CD163L1: variants seen among roughly 807,000 people sequenced by gnomAD.
The protein encoded by CD163L1 is CD163 molecule like 1.
In CD163L1, 124 loss-of-function variants were observed where a neutral mutation model predicts 165.4. That is an observed-to-expected ratio of 0.75 (90% CI 0.65 to 0.87). The LOEUF is 0.87. Ranked by LOEUF, CD163L1 falls within the 40% of genes least tolerant of loss-of-function variation. CD163L1 has a pLI of 0.00. For missense variants in CD163L1, 1,525 were observed against 1,799.9 expected (o/e 0.85, Z 2.76); for synonymous variants, 585 against 662.2 (o/e 0.88, Z 1.79).
intron 4 of CD163L1, among the ~76,000 whole-genome samples, chr12:7,412,053 T>C (rs1948148355): frequency 6.6e-6 from 1 of 152,194 alleles, no homozygotes; most frequent in African/African-American, 2.4e-5. Flanking sequence ...AAAGTCTGGG[T>C]CATAAGTGAG....
chr12:7,380,189 A>T (rs1947355051), intron 8 of CD163L1, among the ~76,000 whole-genome samples: 1 of 152,130 alleles, frequency 6.6e-6, no homozygotes, highest in Admixed American at 6.5e-5. Context: ...TTGCACACGC[A>T]TGTTTATAGC....
Position 7,432,635 on chromosome 12 carries a change from C to G in CD163L1, c.547G>C (p.Gly183Arg), listed in dbSNP as rs1251374890. Residue 183 changes from glycine to arginine, a missense_variant, in exon 4 of 20, where the codon GGG becomes CGG. Transcript: ENST00000313599. The surrounding 1 kb of genome is among the most constrained non-coding windows in gnomAD (Gnocchi z 4.2). ...ACGGCAGCAGTATTCAAGTTCCACC[C>G]ATCATCACATATAGTTCCCCACCTT... is the stretch of plus-strand genomic sequence containing the variant. ...QERWGTICDD[G>R]WNLNTAAVVC... 6.2e-7 allele frequency: 1 copy of G among 1,614,148 alleles called. No individual in the cohort carries two copies. Among genetic ancestry groups the G allele is most frequent in the Non-Finnish European group, 8.5e-7 (1 of 1,180,030 alleles).
At chr12:7,413,185 T>C (rs1353466621) in intron 4 of CD163L1, among the ~76,000 whole-genome samples, 1 of 151,802 alleles carries the variant, frequency 6.6e-6, no homozygotes, top group Non-Finnish European at 1.5e-5. Context: ...GAAGGACAGT[T>C]TCACTTTCCC....
At chr12:7,360,164 T>TG in intron 18 of CD163L1, among the ~76,000 whole-genome samples, 1 of 151,926 alleles carries the variant, frequency 6.6e-6, no homozygotes, top group Non-Finnish European at 1.5e-5. Flanking sequence ...TCTTTTCAGA[T>TG]GGAGTTTCGC....
In CD163L1 at chr12:7,379,089, T is replaced by C. The variant is rs140709251; in HGVS notation, c.2260A>G (p.Met754Val). 3.2e-4 allele frequency: 515 copies of C among 1,614,060 alleles called. No individual in the cohort carries two copies. The highest frequency in any genetic ancestry group is 4.0e-4 in the Non-Finnish European group (473 of 1,180,012). ...CCTCCAGTGCAGCCAGAATTCGACA[T>C]TAAGATGTGTAATGTTCTTTCTGTG... Reference protein sequence around the residue: ...HFTERTLHILMSNSGCTGGEA... With the variant: ...HFTERTLHILVSNSGCTGGEA... The change falls in exon 9 of 20, where the codon ATG becomes GTG. Residue 754 changes from methionine to valine, a missense_variant. Transcript: ENST00000313599.
At chr12:7,367,998 C>A in intron 17 of CD163L1, 89 bp downstream of exon 17, 1 of 770,724 alleles carries the variant, frequency 1.3e-6, no homozygotes, top group Non-Finnish European at 2.3e-6. Flanking sequence ...GTGGCAAGTG[C>A]ATTTCTTCCA....
At chr12:7,421,347 G>GTATA (rs1177439701) in intron 4 of CD163L1, among the ~76,000 whole-genome samples, 1 of 80,854 alleles carries the variant, frequency 1.2e-5, no homozygotes, top group Non-Finnish European at 2.1e-5. Flanking sequence ...TCTTCCAAAT[G>GTATA]TATATATATG....
chr12:7,346,699 A>C (rs1299590040), exon 5 of CD163L1: 1 of 152,242 alleles, frequency 6.6e-6, no homozygotes, highest in Non-Finnish European at 1.5e-5. Context: ...GGTTTACTAC[A>C]GGGAATAATT....
At chr12:7,439,646 C>T in intron 2 of CD163L1, 1 of 1,612,396 alleles carries the variant, frequency 6.2e-7, no homozygotes, top group East Asian at 2.2e-5. Context: ...ACTGCTTTGG[C>T]TTTGTTCTCT....
chr12:7,440,969 G>A (rs1417246165), intron 2 of CD163L1, among the ~76,000 whole-genome samples, 185 bp downstream of exon 2: 1 of 152,122 alleles, frequency 6.6e-6, no homozygotes, highest in Non-Finnish European at 1.5e-5. Context: ...AAATGTCAAC[G>A]AAAAATGTAA....
intron 2 of CD163L1, 117 bp downstream of exon 2, chr12:7,441,037 G>T (rs969588705): frequency 4.1e-5 from 29 of 714,472 alleles, no homozygotes; most frequent in Middle Eastern, 4.9e-4. Flanking sequence ...GCTATTGAAG[G>T]TCCAACATTA....
the CD163L1 span, among the ~76,000 whole-genome samples, chr12:7,325,613 C>T: frequency 6.6e-6 from 1 of 152,138 alleles, no homozygotes; most frequent in Non-Finnish European, 1.5e-5. Flanking sequence ...CACCACTGTA[C>T]TCCAGCCTGG....
At position 7,379,164 on chromosome 12, in the gene CD163L1, T is replaced by C. The variant is rs148882900; in HGVS notation, c.2185A>G (p.Arg729Gly). The part of the protein sequence containing the change: ...WGMNIAEVVC[R>G]QLECGSAIRV... Reference sequence around the variant, plus strand: ...ATTGCAGACCCACATTCAAGTTGCCTGCAAACAACTTCAGCAATGTTCATT... The same window carrying C: ...ATTGCAGACCCACATTCAAGTTGCCCGCAAACAACTTCAGCAATGTTCATT... Residue 729 changes from arginine to glycine, a missense_variant, in exon 9 of 20, where the codon AGG becomes GGG. Coordinates refer to ENST00000313599, the MANE Select transcript of CD163L1 (RefSeq NM_174941.6). 21 of 1,614,030 alleles carry C rather than the reference T, an allele frequency of 1.3e-5. No homozygotes were observed. The African/African-American group carries it at 2.8e-4, about 22-fold the overall frequency.
At chr12:7,421,287 A>ATGTG (rs763990408) in intron 4 of CD163L1, among the ~76,000 whole-genome samples, 1 of 114,206 alleles carries the variant, frequency 8.8e-6, no homozygotes, top group South Asian at 2.8e-4. Flanking sequence ...GTATATATAT[A>ATGTG]TGTGTGTATA....
intron 4 of CD163L1, among the ~76,000 whole-genome samples, chr12:7,424,807 T>C (rs1212055584): frequency 2.6e-5 from 4 of 152,088 alleles, no homozygotes; most frequent in Admixed American, 2.6e-4. Context: ...CAAGGAGAAC[T>C]ACAAACTGCT....
chr12:7,338,200 G>T, the CD163L1 span, among the ~76,000 whole-genome samples: 1 of 152,128 alleles, frequency 6.6e-6, no homozygotes, highest in South Asian at 2.1e-4. Context: ...AGCATTAGAA[G>T]AAACACTGAA....
Position 7,398,593 on chromosome 12 carries a change from A to C in CD163L1, c.1409-9T>G. On this transcript the variant is annotated splice_polypyrimidine_tract_variant and intron_variant, in intron 6 of 19. Transcript: ENST00000313599. This position sits in a 1 kb window ranked among gnomAD's most constrained non-coding sequence, Gnocchi z 4.5. ...GTCCAGATCTGCCTTATCTGCAAGC[A>C]AGACAAAACCACATATTTGAGATCA... The C allele has an allele frequency of 6.5e-7, 1 of 1,539,528 alleles. No homozygotes were observed. The highest frequency in any genetic ancestry group is 8.7e-7 in the Non-Finnish European group (1 of 1,147,568).
intron 9 of CD163L1, 67 bp from the exon 10 acceptor site, chr12:7,376,081 C>T: frequency 7.1e-7 from 1 of 1,405,426 alleles, no homozygotes; most frequent in Non-Finnish European, 9.5e-7. Context: ...CTCCAGTCTC[C>T]ATATCTAACC....
chr12:7,380,295 G>A lies in CD163L1; in HGVS notation c.2051-997C>T, dbSNP rs897402475. On this transcript the variant is annotated intron_variant, in intron 8 of 19. Coordinates refer to ENST00000313599, the MANE Select transcript of CD163L1 (RefSeq NM_174941.6). Reference sequence around the variant, plus strand: ...CTGTGGTGTGTGTGTGTGTGTGTGTGTGTGTGTATACACATATACATACAT... The same window carrying A: ...CTGTGGTGTGTGTGTGTGTGTGTGTATGTGTGTATACACATATACATACAT... 1.1e-3 allele frequency among the ~76,000 whole-genome samples: 86 copies of A among 77,986 alleles called. 1 individual carries two copies. Among genetic ancestry groups the A allele is most frequent in the African/African-American group, 2.2e-3 (47 of 21,428 alleles). The allele number at this position is 77,986 out of a possible 152,430, so 51.2% of individuals were successfully genotyped here. A position where few individuals can be genotyped will look rare whatever the true frequency, so the allele number is the denominator to read the frequency against.
Sources: allele counts gnomAD v4.1 joint callset (sites outside exome capture counted in the v4.1 genomes callset), GRCh38; gene constraint gnomAD v4.1.1; non-coding constraint Gnocchi (gnomAD v3.1); transcripts MANE v1.5; gene names NCBI Gene and HGNC (gene_info 2026-07-23, HGNC 2026-07-21).